The following CNOT6 variants were observed in gnomAD, a reference collection of about 807,000 sequenced individuals.
CNOT6 encodes CCR4-NOT transcription complex subunit 6, also known as carbon catabolite repression 4 protein.
Under a neutral mutation model 61.2 loss-of-function variants are expected in CNOT6, and 12 were observed. The ratio of observed to expected loss-of-function variants is 0.20; its 90% confidence interval spans 0.13 to 0.32. CNOT6 has a LOEUF of 0.32. CNOT6 is among the 10% of genes least tolerant of loss of function. The pLI, the probability that CNOT6 is intolerant of heterozygous loss-of-function variation, is 1.00. For synonymous variants in CNOT6, 225 were observed against 240.6 expected (o/e 0.94, Z 0.60); for missense variants, 405 against 663.9 (o/e 0.61, Z 4.28).
At chr5:180,514,309 C>G (rs1222739324) in intron 1 of CNOT6, among the ~76,000 whole-genome samples, 4 of 152,146 alleles carry the variant, frequency 2.6e-5, no homozygotes, top group Non-Finnish European at 5.9e-5. Context: ...GTAATCCCAT[C>G]TACTCGGGAG....
chr5:180,561,595 A>T (rs951995595), intron 4 of CNOT6, among the ~76,000 whole-genome samples: 3 of 151,630 alleles, frequency 2.0e-5, no homozygotes, highest in Non-Finnish European at 4.4e-5. Context: ...TCTTGTTTAA[A>T]CCCTTTAGTT....
intron 2 of CNOT6, among the ~76,000 whole-genome samples, chr5:180,545,924 G>C (rs1298504356): frequency 6.6e-6 from 1 of 152,036 alleles, no homozygotes. Flanking sequence ...TCCCAATTTT[G>C]AGCATCTTTT....
intron 9 of CNOT6, among the ~76,000 whole-genome samples, chr5:180,568,791 T>C (rs1242553643): frequency 6.6e-6 from 1 of 152,144 alleles, no homozygotes; most frequent in Non-Finnish European, 1.5e-5. Context: ...AGGGTTTAGA[T>C]GTAATTTTGT....
Position 180,572,584 on chromosome 5 carries a change from A to G in CNOT6, c.1461+1152A>G, listed in dbSNP as rs72814998. Among the ~76,000 whole-genome samples, 235 of 150,964 alleles carry G rather than the reference A, an allele frequency of 1.6e-3. 1 individual carries two copies. Among genetic ancestry groups the G allele is most frequent in the Non-Finnish European group, 2.9e-3 (198 of 67,732 alleles). ...TCTAAAAAGAGATATGGTCTCACTCATTTTGCCCAGGCTGAAGTACAGTGA... is the reference window on the plus strand; with the variant it reads ...TCTAAAAAGAGATATGGTCTCACTCGTTTTGCCCAGGCTGAAGTACAGTGA... On this transcript the variant is annotated intron_variant, in intron 11 of 11. Coordinates refer to ENST00000261951, the MANE Select transcript of CNOT6 (RefSeq NM_001370472.1).
At chr5:180,519,984 C>G (rs1757812467) in intron 1 of CNOT6, among the ~76,000 whole-genome samples, 1 of 152,082 alleles carries the variant, frequency 6.6e-6, no homozygotes, top group Admixed American at 6.6e-5. Flanking sequence ...TAGGCATGTG[C>G]CACCACATCC....
At chr5:180,520,040 G>A in intron 1 of CNOT6, among the ~76,000 whole-genome samples, 1 of 151,790 alleles carries the variant, frequency 6.6e-6, no homozygotes, top group East Asian at 1.9e-4. Context: ...CACCATGTTG[G>A]CCAGGCTGGT....
chr5:180,559,229 A>G (rs1337506402), intron 4 of CNOT6, among the ~76,000 whole-genome samples: 1 of 152,206 alleles, frequency 6.6e-6, no homozygotes, highest in Admixed American at 6.5e-5. Context: ...TCCAACAATA[A>G]TTGTAGACTC....
chr5:180,509,116 G>A (rs929581058), intron 1 of CNOT6, among the ~76,000 whole-genome samples: 24 of 151,788 alleles, frequency 1.6e-4, no homozygotes, highest in Non-Finnish European at 2.2e-4. Context: ...CACAGCGCCC[G>A]GCCTATTTTA....
Position 180,569,120 on chromosome 5 carries a change from A to G in CNOT6, c.1038A>G (p.Pro346=). The G allele has an allele frequency of 6.2e-7, 1 of 1,612,996 alleles. No individual in the cohort carries two copies. Among genetic ancestry groups the G allele is most frequent in the South Asian group, 1.1e-5 (1 of 90,830 alleles). The change falls in exon 10 of 12, where the codon CCA becomes CCG. Residue 346 remains proline (P), a synonymous_variant. Coordinates refer to ENST00000261951, the MANE Select transcript of CNOT6 (RefSeq NM_001370472.1). ...TTTTATCTAATGTAGCCGGAAAGCC[A>G]CATCTTGGAACAGAAAAACAACTTA... The part of the protein sequence containing the change: ...KESIEMPSGK[P]HLGTEKQLIL...
intron 2 of CNOT6, among the ~76,000 whole-genome samples, chr5:180,543,146 C>T (rs1312995219): frequency 6.6e-6 from 1 of 152,100 alleles, no homozygotes; most frequent in Non-Finnish European, 1.5e-5. Context: ...GCAAGCTCTG[C>T]CTCCTGGGTT....
chr5:180,566,551 A>G (rs1000209445), intron 7 of CNOT6, among the ~76,000 whole-genome samples: 1 of 152,142 alleles, frequency 6.6e-6, no homozygotes, highest in Non-Finnish European at 1.5e-5. Flanking sequence ...TTCTTAAACA[A>G]CAATGAGTTG....
intron 1 of CNOT6, among the ~76,000 whole-genome samples, chr5:180,506,967 TACAACAG>T (rs1757158673): frequency 1.3e-5 from 2 of 152,180 alleles, no homozygotes; most frequent in African/African-American, 2.4e-5. Context: ...GTTTAATGAA[TACAACAG>T]TAGACATGTT....
intron 1 of CNOT6, among the ~76,000 whole-genome samples, chr5:180,527,727 C>A (rs780522512): frequency 6.6e-6 from 1 of 152,144 alleles, no homozygotes; most frequent in African/African-American, 2.4e-5. Flanking sequence ...TGAGACTGAT[C>A]ATTGGGTTTA....
intron 4 of CNOT6, among the ~76,000 whole-genome samples, chr5:180,558,154 CG>C (rs1413271406): frequency 3.3e-5 from 5 of 152,132 alleles, no homozygotes; most frequent in Admixed American, 2.0e-4. Context: ...TACAGCTGTG[CG>C]TGGCCACAGG....
intron 11 of CNOT6, among the ~76,000 whole-genome samples, chr5:180,571,843 G>A (rs1423324784): frequency 2.0e-5 from 3 of 151,778 alleles, no homozygotes; most frequent in Admixed American, 6.6e-5. Context: ...GATTACAGGC[G>A]TGAACCACTG....
chr5:180,536,880 C>T (rs751989954), intron 2 of CNOT6, among the ~76,000 whole-genome samples: 11 of 152,192 alleles, frequency 7.2e-5, no homozygotes, highest in Non-Finnish European at 1.5e-4. Flanking sequence ...CTTAATTTTA[C>T]AAAACACTGG....
At chr5:180,549,474 C>T (rs1463159128) in intron 2 of CNOT6, among the ~76,000 whole-genome samples, 6 of 151,958 alleles carry the variant, frequency 3.9e-5, no homozygotes, top group South Asian at 4.2e-4. Context: ...ACCGTGAAAC[C>T]CCGTCTCTAC....
intron 4 of CNOT6, among the ~76,000 whole-genome samples, chr5:180,558,469 C>A (rs1020269690): frequency 6.7e-6 from 1 of 148,382 alleles, no homozygotes; most frequent in Admixed American, 6.9e-5. Context: ...TGCTTTCCAG[C>A]GTAGCCCAGG....
Position 180,574,767 on chromosome 5 carries a change from A to C in CNOT6, c.*567A>C. ...TTTTTAAACCTGTTTCATGTGTTAT[A>C]AAGGCCAGCTTGTAAAAGAAGCTGC... On this transcript the variant is annotated 3_prime_UTR_variant, in exon 12 of 12. Transcript: ENST00000261951. 6.5e-6 allele frequency: 1 copy of C among 154,168 alleles called. No homozygotes were observed. Among genetic ancestry groups the C allele is most frequent in the Admixed American group, 6.4e-5 (1 of 15,540 alleles). The allele number at this position is 154,168 out of a possible 1,614,324, so 9.6% of individuals were successfully genotyped here.
Sources: allele counts gnomAD v4.1 joint callset (sites outside exome capture counted in the v4.1 genomes callset), GRCh38; gene constraint gnomAD v4.1.1; transcripts MANE v1.5; gene names NCBI Gene and HGNC (gene_info 2026-07-23, HGNC 2026-07-21).